Variants in KIF27 observed in about 807,000 individuals in gnomAD.
KIF27 encodes the protein kinesin family member 27.
A neutral mutation model predicts 141.8 loss-of-function variants in KIF27; 84 were observed. The observed-to-expected ratio is 0.59, with a 90% CI of 0.50 to 0.71. The LOEUF is 0.71. Among genes scored for constraint, KIF27 ranks in the 30% least tolerant of loss-of-function variants. The pLI is 0.00. For synonymous variants in KIF27, 471 were observed against 569.5 expected, an observed-to-expected ratio of 0.83 and a Z score of 2.46; for missense variants, 1,306 against 1,628.4, an observed-to-expected ratio of 0.80 and a Z score of 3.41.
At chr9:83,840,004 A>G in intron 17 of KIF27, among the ~76,000 whole-genome samples, 1 of 152,204 alleles carries the variant, frequency 6.6e-6, no homozygotes, top group African/African-American at 2.4e-5. Flanking sequence ...GTTATTAACT[A>G]GGATACTGAT....
chr9:83,839,694 T>C (rs1177091624), intron 17 of KIF27, among the ~76,000 whole-genome samples: 1 of 152,238 alleles, frequency 6.6e-6, no homozygotes, highest in Non-Finnish European at 1.5e-5. Context: ...GGCTCACGCC[T>C]GTAATTCCAG....
intron 10 of KIF27, among the ~76,000 whole-genome samples, chr9:83,882,558 C>T (rs1427059765): frequency 6.6e-6 from 1 of 152,132 alleles, no homozygotes; most frequent in African/African-American, 2.4e-5. Context: ...AACTACTGTC[C>T]TCCTCATCCT....
rs375810143 is a variant in KIF27, at chr9:83,908,538, A to G, written c.413T>C (p.Val138Ala). 24 of 1,609,796 alleles carry G rather than the reference A, an allele frequency of 1.5e-5. No homozygotes were observed. Among genetic ancestry groups the G allele is most frequent in the Non-Finnish European group, 2.0e-5 (23 of 1,176,660 alleles). Residue 138 changes from valine to alanine, a missense_variant, in exon 3 of 18, where the codon GTG becomes GCG. By Grantham distance (64) the Val-to-Ala change is moderately conservative (BLOSUM62 0). Transcript: ENST00000297814. ...AAGATCTCTTAGGTCTTCCTTGTAC[A>G]CTTCTATATAAGATACTTTTACATT... The part of the protein sequence containing the change: ...DFNVKVSYIE[V>A]YKEDLRDLLE...
intron 14 of KIF27, among the ~76,000 whole-genome samples, chr9:83,854,380 T>TA (rs1034644747): frequency 3.9e-5 from 6 of 151,976 alleles, no homozygotes; most frequent in Non-Finnish European, 8.8e-5. Context: ...GAACTAGTAA[T>TA]AAAAAAGCAC....
At chr9:83,877,990 C>T (rs1375473552) in intron 11 of KIF27, among the ~76,000 whole-genome samples, 1 of 151,470 alleles carries the variant, frequency 6.6e-6, no homozygotes, top group Non-Finnish European at 1.5e-5. Flanking sequence ...CAGTGAAAAC[C>T]CGTCTCTACT....
chr9:83,861,500 C>T (rs574921591), intron 13 of KIF27, among the ~76,000 whole-genome samples: 1 of 152,068 alleles, frequency 6.6e-6, no homozygotes, highest in Non-Finnish European at 1.5e-5. Flanking sequence ...CCCTACAAAC[C>T]ACATGAACTC....
chr9:83,890,836 CCA>C (rs202163089), intron 6 of KIF27, among the ~76,000 whole-genome samples: 1 of 152,166 alleles, frequency 6.6e-6, no homozygotes, highest in African/African-American at 2.4e-5. Context: ...TATTTACCAA[CCA>C]CACACAAACT....
rs900494205 is a variant in KIF27, at chr9:83,908,537, C to T, written c.414G>A (p.Val138=). 1.2e-6 allele frequency: 2 copies of T among 1,610,186 alleles called. No individual in the cohort carries two copies. Among genetic ancestry groups the T allele is most frequent in the Non-Finnish European group, 1.7e-6 (2 of 1,176,886 alleles). Residue 138 remains valine, a synonymous_variant, in exon 3 of 18, where the codon GTG becomes GTA. Transcript: ENST00000297814. Reference sequence around the variant, plus strand: ...GAAGATCTCTTAGGTCTTCCTTGTACACTTCTATATAAGATACTTTTACAT... The same window carrying T: ...GAAGATCTCTTAGGTCTTCCTTGTATACTTCTATATAAGATACTTTTACAT... ...DFNVKVSYIE[V]YKEDLRDLLE...
At chr9:83,920,277 A>G (rs923734944) in intron 1 of KIF27, among the ~76,000 whole-genome samples, 1 of 152,210 alleles carries the variant, frequency 6.6e-6, no homozygotes, top group Non-Finnish European at 1.5e-5. Context: ...GTAAAACATC[A>G]ATATACAAGA....
chr9:83,873,459 T>C (rs898503492), intron 11 of KIF27, among the ~76,000 whole-genome samples: 2 of 152,160 alleles, frequency 1.3e-5, no homozygotes, highest in South Asian at 2.1e-4. Context: ...GAGAGAACAT[T>C]TGATTAGTTT....
intron 2 of KIF27, 99 bp downstream of exon 2, chr9:83,915,195 C>G: frequency 4.5e-6 from 4 of 890,660 alleles, no homozygotes; most frequent in Non-Finnish European, 6.8e-6. Flanking sequence ...CTTCACTATT[C>G]AATCAATATG....
chr9:83,910,407 C>T (rs1389508345), intron 2 of KIF27, among the ~76,000 whole-genome samples: 1 of 152,146 alleles, frequency 6.6e-6, no homozygotes, highest in East Asian at 1.9e-4. Flanking sequence ...TGGGTGGAAT[C>T]CCAATCACTG....
At chr9:83,916,661 AC>A (rs1264238631) in intron 1 of KIF27, among the ~76,000 whole-genome samples, 3 of 131,984 alleles carry the variant, frequency 2.3e-5, no homozygotes, top group South Asian at 2.4e-4. Context: ...TACAATGAAC[AC>A]TTTTTTTTTT....
chr9:83,841,005 G>A (rs1250565494), intron 17 of KIF27, among the ~76,000 whole-genome samples: 7 of 152,048 alleles, frequency 4.6e-5, no homozygotes, highest in Non-Finnish European at 8.8e-5. Context: ...CCTATCCTGA[G>A]TTTGAGGGCT....
Position 83,867,789 on chromosome 9 carries a change from C to T in KIF27, c.2829G>A (p.Glu943=). ...EKVLNQRQEL[E]ELEADLKKRE... is the part of the protein sequence containing the mutation. ...GTTTCTTTAAGTCTGCTTCCAGCTC[C>T]TCTAATTCTTGGCGTTGGTTCAGAA... is the stretch of plus-strand genomic sequence containing the variant. The change falls in exon 13 of 18, where the codon GAG becomes GAA. Residue 943 remains glutamate, a synonymous_variant. Coordinates refer to ENST00000297814, the MANE Select transcript of KIF27 (RefSeq NM_017576.4). 8 of 1,613,538 alleles carry T rather than the reference C, an allele frequency of 5.0e-6. No individual in the cohort carries two copies. The highest frequency in any genetic ancestry group is 5.9e-6 in the Non-Finnish European group (7 of 1,179,684).
At chr9:83,853,556 T>A in intron 15 of KIF27, 73 bp downstream of exon 15, 1 of 1,012,264 alleles carries the variant, frequency 9.9e-7, no homozygotes, top group African/African-American at 1.6e-5. Context: ...CTTTAAAAAT[T>A]CAAAATAAAT....
intron 3 of KIF27, among the ~76,000 whole-genome samples, chr9:83,905,056 G>A (rs1401264237): frequency 6.6e-6 from 1 of 151,360 alleles, no homozygotes; most frequent in African/African-American, 2.4e-5. Flanking sequence ...TATTTCAATC[G>A]CAGAATGAAC....
At chr9:83,912,550 T>C (rs397835009) in intron 2 of KIF27, among the ~76,000 whole-genome samples, 1 of 152,208 alleles carries the variant, frequency 6.6e-6, no homozygotes, top group East Asian at 1.9e-4. Flanking sequence ...AGTTCAGTTA[T>C]TCCCCACATC....
intron 1 of KIF27, among the ~76,000 whole-genome samples, chr9:83,917,060 G>A (rs1955772331): frequency 6.6e-6 from 1 of 151,728 alleles, no homozygotes; most frequent in Non-Finnish European, 1.5e-5. Flanking sequence ...GTATACATGT[G>A]CCATGTTGGT....
Sources: gnomAD v4.1 joint callset for allele counts (sites outside exome capture counted in the v4.1 genomes callset) on GRCh38, gnomAD v4.1.1 for gene constraint, MANE v1.5 for transcripts, NCBI Gene and HGNC (gene_info 2026-07-23, HGNC 2026-07-21) for gene names.